Variants in CEP120 observed in about 807,000 individuals in gnomAD.
CEP120 encodes centrosomal protein 120.
CEP120 carries 113 observed loss-of-function variants against 126.5 expected under a neutral mutation model. That is an observed-to-expected ratio of 0.89 (90% confidence interval 0.77 to 1.04). CEP120 has a LOEUF of 1.04. CEP120 is among the 50% of genes least tolerant of loss of function. The pLI is 0.00. For synonymous variants in CEP120, 400 were observed against 394.3 expected, an observed-to-expected ratio of 1.01 and a Z score of -0.17; for missense variants, 1,230 against 1,155.7, an observed-to-expected ratio of 1.06 and a Z score of -0.93.
chr5:123,379,269 T>C (rs939118552), intron 14 of CEP120, among the ~76,000 whole-genome samples: 1 of 152,104 alleles, frequency 6.6e-6, no homozygotes, highest in African/African-American at 2.4e-5. Flanking sequence ...CTTTTCTCCA[T>C]AACCTTTCAC....
chr5:123,376,230 A>G (rs1771213222), intron 16 of CEP120, among the ~76,000 whole-genome samples: 1 of 152,122 alleles, frequency 6.6e-6, no homozygotes, highest in South Asian at 2.1e-4. Context: ...AGACTTGAGG[A>G]GGATGAATTA....
At chr5:123,405,688 C>T (rs1194600877) in intron 4 of CEP120, among the ~76,000 whole-genome samples, 2 of 152,072 alleles carry the variant, frequency 1.3e-5, no homozygotes, top group East Asian at 3.9e-4. Flanking sequence ...TGAGACCTAA[C>T]CATAAGGCTA....
At chr5:123,381,343 C>G (rs1771631865) in intron 14 of CEP120, among the ~76,000 whole-genome samples, 2 of 151,126 alleles carry the variant, frequency 1.3e-5, no homozygotes, top group South Asian at 4.2e-4. Context: ...GCTGAGGCAA[C>G]TAGAGTTGAT....
chr5:123,420,321 C>T (rs1433199306), intron 1 of CEP120, among the ~76,000 whole-genome samples: 1 of 152,118 alleles, frequency 6.6e-6, no homozygotes, highest in Non-Finnish European at 1.5e-5. Flanking sequence ...TTGCTGCAGA[C>T]AATGATACAG....
At chr5:123,353,718 G>C (rs1769367107) in intron 18 of CEP120, among the ~76,000 whole-genome samples, 1 of 151,668 alleles carries the variant, frequency 6.6e-6, no homozygotes, top group Admixed American at 6.6e-5. Context: ...ATCAGTTTTG[G>C]AAGTTCTTCT....
rs149476471 is a variant in CEP120 at position 123,360,811 on chromosome 5, C to G, written c.2580+3685G>C. Among the ~76,000 whole-genome samples the G allele has an allele frequency of 1.2e-4, 18 of 151,890 alleles. No homozygotes were observed. The East Asian group carries it at 3.5e-3, about 29-fold the overall frequency. On this transcript the variant is annotated intron_variant, in intron 18 of 19. Coordinates refer to ENST00000306467, the MANE Select transcript of CEP120 (RefSeq NM_001375405.1). ...ACACTGAATCTTCTTTTAAAGGAGA[C>G]TACTTCAATACCCCAGTGTAAAACT...
chr5:123,400,780 CT>C (rs1773156370), intron 4 of CEP120: 1 of 601,614 alleles, frequency 1.7e-6, no homozygotes, highest in South Asian at 1.7e-5. Context: ...AGGCAGTAAA[CT>C]CCCCCGCGGG....
At chr5:123,381,973 A>G (rs1771678445) in intron 14 of CEP120, 138 bp downstream of exon 14, 1 of 586,136 alleles carries the variant, frequency 1.7e-6, no homozygotes, top group Non-Finnish European at 2.9e-6. Flanking sequence ...CTCTATCCAG[A>G]GCCACCACTC....
intron 18 of CEP120, chr5:123,358,111 A>G (rs1769778606): frequency 6.6e-6 from 1 of 152,144 alleles, no homozygotes; most frequent in African/African-American, 2.4e-5. Flanking sequence ...ATTTATAGAG[A>G]ATGACTCTAT....
chr5:123,349,007 T>C lies in CEP120; in HGVS notation c.2726+937A>G, dbSNP rs995577352. ...GTCCAAGTTAACTAAAACTGCACTT[T>C]GCTCAAAGAAAAATATACTAGACCC... On this transcript the variant is annotated intron_variant, in intron 19 of 19. Coordinates refer to ENST00000306467, the MANE Select transcript of CEP120 (RefSeq NM_001375405.1). Among the ~76,000 whole-genome samples, 36 of 152,290 alleles carry C rather than the reference T, an allele frequency of 2.4e-4. 1 individual carries two copies. Among genetic ancestry groups the C allele is most frequent in the African/African-American group, 6.0e-4 (25 of 41,570 alleles).
intron 3 of CEP120, 93 bp from the exon 4 acceptor site, chr5:123,412,633 G>C (rs1313929072): frequency 2.3e-6 from 2 of 860,152 alleles, no homozygotes; most frequent in Admixed American, 7.3e-5. Flanking sequence ...ATTTATTGTA[G>C]CTTTTCAGTA....
chr5:123,399,036 A>AC, intron 5 of CEP120, 100 bp downstream of exon 5: 1 of 897,984 alleles, frequency 1.1e-6, no homozygotes, highest in Non-Finnish European at 1.6e-6. Context: ...AAGTTAAAAA[A>AC]AAAAAGTCTA....
chr5:123,408,691 A>C (rs954285630), intron 4 of CEP120, among the ~76,000 whole-genome samples: 2 of 152,236 alleles, frequency 1.3e-5, no homozygotes, highest in African/African-American at 4.8e-5. Context: ...CAAACATTTA[A>C]GGAAGAAATT....
intron 18 of CEP120, among the ~76,000 whole-genome samples, chr5:123,361,849 C>T (rs775034846): frequency 2.0e-5 from 3 of 151,766 alleles, no homozygotes; most frequent in Non-Finnish European, 4.4e-5. Context: ...TAAAACCACT[C>T]ATTTAATTCT....
At chr5:123,369,801 T>C (rs1041715762) in intron 17 of CEP120, among the ~76,000 whole-genome samples, 1 of 152,050 alleles carries the variant, frequency 6.6e-6, no homozygotes, top group Non-Finnish European at 1.5e-5. Context: ...ATGTTTGACA[T>C]AAACAAAAAT....
At position 123,422,793 on chromosome 5, in the gene CEP120, G is replaced by T. The variant is rs141909482; in HGVS notation, c.49+157C>A. Among the ~76,000 whole-genome samples the T allele has an allele frequency of 2.4e-3, 365 of 152,290 alleles. 2 individuals are homozygous for T. The highest frequency in any genetic ancestry group is 8.4e-3 in the African/African-American group (348 of 41,550). On this transcript the variant is annotated intron_variant, in intron 1 of 19. Transcript: ENST00000306467. ...CCCTGGAGAGATTTTTAAATCAATT[G>T]CCTAACAGACCTCACTACGTACAAC... is the stretch of plus-strand genomic sequence containing the variant.
At chr5:123,354,096 C>T (rs1445313229) in intron 18 of CEP120, among the ~76,000 whole-genome samples, 2 of 152,084 alleles carry the variant, frequency 1.3e-5, no homozygotes, top group Non-Finnish European at 2.9e-5. Flanking sequence ...AAATCCCACA[C>T]TTTGATGTGT....
chr5:123,350,620 T>C (rs1458556470), intron 18 of CEP120, among the ~76,000 whole-genome samples: 2 of 152,160 alleles, frequency 1.3e-5, no homozygotes, highest in Non-Finnish European at 2.9e-5. Flanking sequence ...AAAAACATTA[T>C]ACAAAGATGT....
intron 4 of CEP120, among the ~76,000 whole-genome samples, chr5:123,400,451 G>A (rs1773109048): frequency 6.6e-6 from 1 of 152,080 alleles, no homozygotes; most frequent in Non-Finnish European, 1.5e-5. Flanking sequence ...AGTATGACAT[G>A]TTCTCACTGA....
Sources: allele counts gnomAD v4.1 joint callset (sites outside exome capture counted in the v4.1 genomes callset), GRCh38; gene constraint gnomAD v4.1.1; transcripts MANE v1.5; gene names NCBI Gene and HGNC (gene_info 2026-07-23, HGNC 2026-07-21).